Variants in CCDC71 observed in about 807,000 individuals in gnomAD.
CCDC71 encodes the protein coiled-coil domain-containing protein 71.
For missense variants in CCDC71, 594 were observed against 604.0 expected (o/e 0.98, Z 0.17); for synonymous variants, 257 against 242.2 (o/e 1.06, Z -0.57).
intron 1 of CCDC71, among the ~76,000 whole-genome samples, chr3:49,164,822 G>A (rs1446686018): frequency 2.6e-5 from 4 of 152,230 alleles, no homozygotes; most frequent in Non-Finnish European, 5.9e-5. Flanking sequence ...TCCAAAGTGA[G>A]AAAGGGTTAA....
Position 49,166,229 on chromosome 3 carries a change from C to T in CCDC71, c.-53+38G>A, listed in dbSNP as rs1006902883. The T allele has an allele frequency of 9.9e-5, 15 of 151,960 alleles. No homozygotes were observed. The highest frequency in any genetic ancestry group is 1.5e-5 in the Non-Finnish European group (1 of 67,954). The allele number at this position is 151,960 out of a possible 1,614,324, so 9.4% of individuals were successfully genotyped here. ...TCCGCCCTGCCGCCTCGCGGGCCGCCCCTCCGCGGCGCGGCTAGGCCCGCG... is the reference window on the plus strand; with the variant it reads ...TCCGCCCTGCCGCCTCGCGGGCCGCTCCTCCGCGGCGCGGCTAGGCCCGCG... On this transcript the variant is annotated intron_variant, in intron 1 of 1. Coordinates refer to ENST00000321895, the MANE Select transcript of CCDC71 (RefSeq NM_022903.4). The surrounding 1 kb of genome is among the most constrained non-coding windows in gnomAD (Gnocchi z 4.0).
chr3:49,163,945 A>G lies in CCDC71; in HGVS notation c.264T>C (p.Ala88=). ...ATGTGGCAGTTGGGTTAGGGGCACG[A>G]GCTTGCAGTTTCGTCTGGCTTGGGG... ...ANPPSQTKLQ[A]RAPNPTATSP... Residue 88 remains alanine, a synonymous_variant, in exon 2 of 2, where the codon GCT becomes GCC. Transcript: ENST00000321895. 6.2e-7 allele frequency: 1 copy of G among 1,614,120 alleles called. No individual in the cohort carries two copies. The highest frequency in any genetic ancestry group is 8.5e-7 in the Non-Finnish European group (1 of 1,180,036).
chr3:49,165,016 G>C (rs1207861392), intron 1 of CCDC71, among the ~76,000 whole-genome samples: 1 of 152,208 alleles, frequency 6.6e-6, no homozygotes. Context: ...CTGCCCACCA[G>C]AAGTTCTGTT....
intron 1 of CCDC71, among the ~76,000 whole-genome samples, chr3:49,165,922 C>A (rs2045721047): frequency 6.6e-6 from 1 of 152,184 alleles, no homozygotes; most frequent in Non-Finnish European, 1.5e-5. Flanking sequence ...CCGGGGAAGG[C>A]AGGAGAAGTT....
Position 49,163,436 on chromosome 3 carries a change from G to T in CCDC71, c.773C>A (p.Thr258Asn), listed in dbSNP as rs1277117380. The T allele has an allele frequency of 2.5e-6, 4 of 1,614,114 alleles. No individual in the cohort carries two copies. The highest frequency in any genetic ancestry group is 3.4e-6 in the Non-Finnish European group (4 of 1,180,054). The change falls in exon 2 of 2, where the codon ACC (threonine) becomes AAC (asparagine). Residue 258 changes from threonine (T) to asparagine (N), a missense_variant. By Grantham distance (65) the Thr-to-Asn change is moderately conservative. Transcript: ENST00000321895. The stretch of plus-strand genomic sequence containing the variant: ...ACTGGGGGACCCAGTGGCTCTGTTG[G>T]TTTTGCTCTGGTGCCCAGAGCCTCG... ...PRRGSGHQSK[T>N]NRATGSPSVR...
chr3:49,165,602 A>G (rs966591345), intron 1 of CCDC71, among the ~76,000 whole-genome samples: 5 of 152,272 alleles, frequency 3.3e-5, no homozygotes, highest in African/African-American at 9.6e-5. Flanking sequence ...GTTTGGAAAC[A>G]TTCTTGGATC....
In CCDC71 at chr3:49,166,136, G is replaced by T. The variant is rs2045723181; in HGVS notation, c.-53+131C>A. On this transcript the variant is annotated intron_variant, in intron 1 of 1. Coordinates refer to ENST00000321895, the MANE Select transcript of CCDC71 (RefSeq NM_022903.4). This position sits in a 1 kb window ranked among gnomAD's most constrained non-coding sequence, Gnocchi z 4.0. ...GTGGGGTCGCTGGGCGCGGGGTGGG[G>T]GTGGGGTGGGGGGTCTCGGCCAGGC... 9.8e-6 allele frequency: 1 copy of T among 101,884 alleles called. No individual in the cohort carries two copies. Among genetic ancestry groups the T allele is most frequent in the African/African-American group, 3.2e-5 (1 of 30,934 alleles). 6.3% of individuals were successfully genotyped at this position (101,884 alleles called of 1,614,324 possible).
In CCDC71 at chr3:49,164,217, G is replaced by C; in HGVS notation, c.-9C>G. Reference sequence around the variant, plus strand: ...TGAACCACCACACTCATGGCATTAGGCACTGCAGATCTGCCTGGGTATCCG... The same window carrying C: ...TGAACCACCACACTCATGGCATTAGCCACTGCAGATCTGCCTGGGTATCCG... On this transcript the variant is annotated 5_prime_UTR_variant, in exon 2 of 2. Transcript: ENST00000321895. 1 of 1,603,636 alleles carries C rather than the reference G, an allele frequency of 6.2e-7. No homozygotes were observed. Among genetic ancestry groups the C allele is most frequent in the Non-Finnish European group, 8.5e-7 (1 of 1,172,450 alleles).
At chr3:49,165,276 T>A (rs974423834) in intron 1 of CCDC71, among the ~76,000 whole-genome samples, 3 of 152,258 alleles carry the variant, frequency 2.0e-5, no homozygotes. Flanking sequence ...CGGTATGCAC[T>A]GTCCTACCTA....
At chr3:49,165,983 G>T (rs1369483981) in intron 1 of CCDC71, among the ~76,000 whole-genome samples, 1 of 152,244 alleles carries the variant, frequency 6.6e-6, no homozygotes, top group Non-Finnish European at 1.5e-5. Context: ...CCGGGGGAGG[G>T]GGCAGATCGG....
At position 49,163,702 on chromosome 3, in the gene CCDC71, G is replaced by A; in HGVS notation, c.507C>T (p.Val169=). The change falls in exon 2 of 2, where the codon GTC becomes GTT. Residue 169 remains valine, a synonymous_variant. Transcript: ENST00000321895. ...CAACAGAGAGCCGCATGGCAGGGTA[G>A]ACACCTGGATAAAGGTGGGTGGGGA... ...VGFPTHLYPG[V]YPAMRLSVVL... 1 of 1,614,092 alleles carries A rather than the reference G, an allele frequency of 6.2e-7. No homozygotes were observed. The highest frequency in any genetic ancestry group is 8.5e-7 in the Non-Finnish European group (1 of 1,180,022).
intron 1 of CCDC71, 129 bp from the exon 2 acceptor site, chr3:49,164,389 G>C (rs573938723): frequency 1.9e-5 from 12 of 631,870 alleles, no homozygotes; most frequent in Admixed American, 5.9e-5. Flanking sequence ...ACACTTCCTG[G>C]TGTAAAACCC....
rs762759927 is a variant in CCDC71 at position 49,162,781 on chromosome 3, C to T, written c.*24G>A. 1.2e-6 allele frequency: 2 copies of T among 1,603,424 alleles called. No individual in the cohort carries two copies. The highest frequency in any genetic ancestry group is 1.7e-5 in the Admixed American group (1 of 59,576). On this transcript the variant is annotated 3_prime_UTR_variant, in exon 2 of 2. Coordinates refer to ENST00000321895, the MANE Select transcript of CCDC71 (RefSeq NM_022903.4). ...CACACAGACAGCTGGGCTTAGTTTC[C>T]CCAAACATTGCCGTGTGAAGGAATC...
In CCDC71 at chr3:49,163,824, A is replaced by G; in HGVS notation, c.385T>C (p.Ser129Pro). Residue 129 changes from serine to proline, a missense_variant, in exon 2 of 2, where the codon TCC becomes CCC. By Grantham distance (74) the Ser-to-Pro change is moderately conservative (BLOSUM62 -1). Coordinates refer to ENST00000321895, the MANE Select transcript of CCDC71 (RefSeq NM_022903.4). ...MPLSGRLAKASTPALAKHATT... is the reference protein window; with the variant it reads ...MPLSGRLAKAPTPALAKHATT... ...GCATGCTTGGCAAGGGCTGGTGTGG[A>G]TGCTTTGGCCAGTCTGCCAGATAGC... The G allele has an allele frequency of 6.2e-7, 1 of 1,614,146 alleles. No individual in the cohort carries two copies. The highest frequency in any genetic ancestry group is 8.5e-7 in the Non-Finnish European group (1 of 1,180,020).
chr3:49,163,158 C>T lies in CCDC71; in HGVS notation c.1051G>A (p.Ala351Thr). Residue 351 changes from alanine (A) to threonine (T), a missense_variant, in exon 2 of 2, where the codon GCC becomes ACC. Ala to Thr is a moderately conservative substitution (Grantham distance 58). Coordinates refer to ENST00000321895, the MANE Select transcript of CCDC71 (RefSeq NM_022903.4). ...KAKAKAKAVR[A>T]KAKVARTQPR... ...TGGGTCCGAGCCACCTTGGCCTTGG[C>T]CCGTACTGCCTTGGCTTTAGCCTTG... 6.3e-7 allele frequency: 1 copy of T among 1,582,310 alleles called. No homozygotes were observed. The highest frequency in any genetic ancestry group is 8.6e-7 in the Non-Finnish European group (1 of 1,156,480).
intron 1 of CCDC71, among the ~76,000 whole-genome samples, chr3:49,165,976 G>C (rs2045722018): frequency 6.6e-6 from 1 of 152,234 alleles, no homozygotes; most frequent in Non-Finnish European, 1.5e-5. Flanking sequence ...AGGCAGACCG[G>C]GGGAGGGGGC....
Position 49,163,840 on chromosome 3 carries a change from G to T in CCDC71, c.369C>A (p.Gly123=), listed in dbSNP as rs897707977. 1.2e-5 allele frequency: 19 copies of T among 1,614,068 alleles called. No individual in the cohort carries two copies. In the African/African-American group the frequency reaches 1.5e-4, roughly 12 times the overall value. ...RATLLPMPLS[G]RLAKASTPAL... Reference sequence around the variant, plus strand: ...CTGGTGTGGATGCTTTGGCCAGTCTGCCAGATAGCGGCATGGGAAGCAGTG... The same window carrying T: ...CTGGTGTGGATGCTTTGGCCAGTCTTCCAGATAGCGGCATGGGAAGCAGTG... Residue 123 remains glycine (G), a synonymous_variant, in exon 2 of 2, where the codon GGC becomes GGA. Transcript: ENST00000321895.
rs1266056213 is a variant in CCDC71, at chr3:49,163,915, A to G, written c.294T>C (p.Pro98=). Reference sequence around the variant, plus strand: ...TGGCAGTTCGGGGAGCACTGGCTGGAGGTGATGTGGCAGTTGGGTTAGGGG... The same window carrying G: ...TGGCAGTTCGGGGAGCACTGGCTGGGGGTGATGTGGCAGTTGGGTTAGGGG... ...ARAPNPTATS[P]PASAPRTAMR... The change falls in exon 2 of 2, where the codon CCT becomes CCC. Residue 98 remains proline, a synonymous_variant. Coordinates refer to ENST00000321895, the MANE Select transcript of CCDC71 (RefSeq NM_022903.4). The G allele has an allele frequency of 3.1e-6, 5 of 1,614,070 alleles. No homozygotes were observed. Among genetic ancestry groups the G allele is most frequent in the Non-Finnish European group, 4.2e-6 (5 of 1,180,002 alleles).
Position 49,164,153 on chromosome 3 carries a change from A to C in CCDC71, c.56T>G (p.Ile19Ser), listed in dbSNP as rs775884168. Residue 19 changes from isoleucine to serine, a missense_variant, in exon 2 of 2, where the codon ATC (isoleucine) becomes AGC (serine). By Grantham distance (142) the Ile-to-Ser change is moderately radical. Transcript: ENST00000321895. ...EEKAVHSWSRISTAGKKALEE... is the reference protein window; with the variant it reads ...EEKAVHSWSRSSTAGKKALEE... Reference sequence around the variant, plus strand: ...CAGGGCCTTCTTCCCTGCCGTGGAGATGCGCGACCAGGAGTGCACAGCTTT... The same window carrying C: ...CAGGGCCTTCTTCCCTGCCGTGGAGCTGCGCGACCAGGAGTGCACAGCTTT... 1 of 1,613,450 alleles carries C rather than the reference A, an allele frequency of 6.2e-7. No individual in the cohort carries two copies. Among genetic ancestry groups the C allele is most frequent in the Non-Finnish European group, 8.5e-7 (1 of 1,179,954 alleles).
Sources: gnomAD v4.1 joint callset for allele counts (sites outside exome capture counted in the v4.1 genomes callset) on GRCh38, gnomAD v4.1.1 for gene constraint, Gnocchi (gnomAD v3.1) non-coding constraint, MANE v1.5 for transcripts, NCBI Gene and HGNC (gene_info 2026-07-23, HGNC 2026-07-21) for gene names.